The following PCDHGB4 variants were observed in gnomAD, a reference collection of about 807,000 sequenced individuals.
PCDHGB4 encodes the protein protocadherin gamma subfamily B, 4, also known as protocadherin gamma-B4.
In PCDHGB4, 38 loss-of-function variants were observed where a neutral mutation model predicts 60.5. The observed-to-expected ratio is 0.63, with a 90% CI of 0.48 to 0.82. The LOEUF is 0.82. Among genes scored for constraint, PCDHGB4 ranks in the 40% least tolerant of loss-of-function variants. The pLI is 0.00. For synonymous variants in PCDHGB4, 456 were observed against 509.7 expected, an observed-to-expected ratio of 0.89 and a Z score of 1.42; for missense variants, 1,109 against 1,209.6, an observed-to-expected ratio of 0.92 and a Z score of 1.23.
intron 1 of PCDHGB4, chr5:141,391,032 T>C (rs908748282): frequency 2.0e-5 from 3 of 152,212 alleles, no homozygotes; most frequent in African/African-American, 7.2e-5. Context: ...AAGACAATGT[T>C]TTGTGTCTGT....
At chr5:141,409,761 T>C (rs1373037367) in intron 1 of PCDHGB4, 1 of 1,612,966 alleles carries the variant, frequency 6.2e-7, no homozygotes, top group African/African-American at 1.3e-5. Flanking sequence ...CAGCGCGCCT[T>C]TGATCACGAG....
intron 1 of PCDHGB4, among the ~76,000 whole-genome samples, chr5:141,406,833 A>G (rs776807611): frequency 3.9e-5 from 6 of 152,238 alleles, no homozygotes; most frequent in Non-Finnish European, 4.4e-5. Flanking sequence ...ATGAACTTGC[A>G]TATCAGATAT....
At position 141,487,946 on chromosome 5, in the gene PCDHGB4, C is replaced by G. The variant is rs187890859; in HGVS notation, c.2398-6861C>G. 7.9e-5 allele frequency among the ~76,000 whole-genome samples: 12 copies of G among 152,298 alleles called. No homozygotes were observed. The highest frequency in any genetic ancestry group is 7.8e-4 in the Admixed American group (12 of 15,304). Reference sequence around the variant, plus strand: ...AGTGCACAGGGTACAGTGCACCAGGCAGTCACTTGGACAAAGGTGGCTGTT... The same window carrying G: ...AGTGCACAGGGTACAGTGCACCAGGGAGTCACTTGGACAAAGGTGGCTGTT... On this transcript the variant is annotated intron_variant, in intron 1 of 3. Transcript: ENST00000519479. The surrounding 1 kb of genome is among the most constrained non-coding windows in gnomAD (Gnocchi z 5.0).
chr5:141,430,826 C>T (rs993762069), intron 1 of PCDHGB4: 1 of 1,550,298 alleles, frequency 6.5e-7, no homozygotes, highest in Non-Finnish European at 8.7e-7. Context: ...CCTGGGGACT[C>T]TGTGGGAGAC....
chr5:141,392,768 T>C lies in PCDHGB4; in HGVS notation c.2397+2487T>C, dbSNP rs754714050. The C allele has an allele frequency of 1.9e-5, 29 of 1,507,388 alleles. No homozygotes were observed. In the Middle Eastern group the frequency reaches 7.0e-4, roughly 37 times the overall value. 93.4% of individuals were successfully genotyped at this position (1,507,388 alleles called of 1,614,324 possible). On this transcript the variant is annotated intron_variant, in intron 1 of 3. Coordinates refer to ENST00000519479, the MANE Select transcript of PCDHGB4 (RefSeq NM_003736.4). ...GCGGCAAGAAACTAAATAAGACCCA[T>C]TTATGCACAGTGAAGATTCTGAGAG...
At chr5:141,419,807 G>A in intron 1 of PCDHGB4, 2 of 1,614,074 alleles carry the variant, frequency 1.2e-6, no homozygotes, top group South Asian at 1.1e-5. Flanking sequence ...AAGAGATGGA[G>A]GACAGCCACC....
intron 1 of PCDHGB4, among the ~76,000 whole-genome samples, chr5:141,468,193 C>T (rs2099159672): frequency 6.6e-6 from 1 of 151,600 alleles, no homozygotes; most frequent in Non-Finnish European, 1.5e-5. Flanking sequence ...GGCATGGTGG[C>T]GGGTGCCTGT....
intron 1 of PCDHGB4, among the ~76,000 whole-genome samples, chr5:141,401,154 C>A (rs753624238): frequency 6.6e-5 from 10 of 152,086 alleles, no homozygotes; most frequent in Non-Finnish European, 1.5e-4. Context: ...CCAGCCTGGG[C>A]AATATGGTGA....
At chr5:141,509,872 G>A (rs968745661) in intron 3 of PCDHGB4, among the ~76,000 whole-genome samples, 1 of 152,166 alleles carries the variant, frequency 6.6e-6, no homozygotes, top group Non-Finnish European at 1.5e-5. Context: ...CCAAGCTGCT[G>A]GTGGTGATGG....
intron 1 of PCDHGB4, among the ~76,000 whole-genome samples, chr5:141,472,313 A>G (rs1411876003): frequency 6.7e-6 from 1 of 150,164 alleles, no homozygotes; most frequent in East Asian, 2.0e-4. Context: ...AAGCCGAGGC[A>G]GGCAGATCAC....
chr5:141,398,469 G>A (rs1490431965), intron 1 of PCDHGB4: 1 of 1,604,084 alleles, frequency 6.2e-7, no homozygotes, highest in Admixed American at 1.7e-5. Context: ...AAAATCCACT[G>A]AACTTTTATC....
intron 1 of PCDHGB4, among the ~76,000 whole-genome samples, chr5:141,480,949 G>A (rs949853273): frequency 2.0e-4 from 30 of 152,136 alleles, no homozygotes; most frequent in African/African-American, 4.6e-4. Flanking sequence ...AGAGGCTGAG[G>A]CGGAAGCATC....
intron 2 of PCDHGB4, among the ~76,000 whole-genome samples, chr5:141,502,834 A>G (rs1398558120): frequency 6.7e-6 from 1 of 149,378 alleles, no homozygotes; most frequent in Non-Finnish European, 1.5e-5. Flanking sequence ...GGAAGCCTGG[A>G]CTGGCTGAGC....
chr5:141,421,505 G>A (rs745883683), intron 1 of PCDHGB4: 3 of 1,614,058 alleles, frequency 1.9e-6, no homozygotes, highest in South Asian at 1.1e-5. Context: ...AGGATAGACC[G>A]GGAGGAGCTC....
chr5:141,494,173 G>C (rs554811420), intron 1 of PCDHGB4, among the ~76,000 whole-genome samples: 2 of 152,304 alleles, frequency 1.3e-5, no homozygotes, highest in South Asian at 2.1e-4. Flanking sequence ...CTAGGGGTGA[G>C]AAGTGTCCCG....
chr5:141,391,293 A>G (rs1043661475), intron 1 of PCDHGB4: 15 of 151,834 alleles, frequency 9.9e-5, no homozygotes, highest in Admixed American at 3.3e-4. Context: ...AAAGAAGGAA[A>G]CGTCTTTCGA....
At chr5:141,419,436 G>T (rs756968644) in intron 1 of PCDHGB4, 1 of 1,613,144 alleles carries the variant, frequency 6.2e-7, no homozygotes, top group East Asian at 2.2e-5. Context: ...GAGCAGCTGC[G>T]CACCTTCGAG....
intron 1 of PCDHGB4, among the ~76,000 whole-genome samples, chr5:141,481,655 T>A (rs933683728): frequency 1.3e-5 from 2 of 152,054 alleles, no homozygotes; most frequent in African/African-American, 4.8e-5. Flanking sequence ...TCATCTCTAC[T>A]AATAATACAA....
intron 1 of PCDHGB4, among the ~76,000 whole-genome samples, chr5:141,444,733 G>A (rs1464370133): frequency 6.6e-6 from 1 of 152,106 alleles, no homozygotes; most frequent in Non-Finnish European, 1.5e-5. Flanking sequence ...TTTGTTGAAA[G>A]TCATTTCACT....
Sources: allele counts gnomAD v4.1 joint callset (sites outside exome capture counted in the v4.1 genomes callset), GRCh38; gene constraint gnomAD v4.1.1; non-coding constraint Gnocchi (gnomAD v3.1); transcripts MANE v1.5; gene names NCBI Gene and HGNC (gene_info 2026-07-23, HGNC 2026-07-21).